AATF: variants seen among roughly 807,000 people sequenced by gnomAD.
AATF encodes the protein apoptosis antagonizing transcription factor.
A neutral mutation model predicts 63.7 loss-of-function variants in AATF; 48 were observed. The observed-to-expected ratio is 0.75, with a 90% confidence interval of 0.60 to 0.96. The LOEUF is 0.96. Among genes scored for constraint, AATF ranks in the 40% least tolerant of loss-of-function variants. The probability of loss-of-function intolerance (pLI) is 0.00; values close to 1 mark genes in which losing one functional copy is unlikely to be tolerated. For missense variants in AATF, 639 were observed against 685.7 expected, an observed-to-expected ratio of 0.93 and a Z score of 0.76; for synonymous variants, 258 against 247.7, an observed-to-expected ratio of 1.04 and a Z score of -0.39.
chr17:37,025,400 A>G (rs189387318), intron 10 of AATF, among the ~76,000 whole-genome samples: 1 of 152,292 alleles, frequency 6.6e-6, no homozygotes, highest in East Asian at 1.9e-4. Context: ...TGACAAGAAT[A>G]CAGAGTGACA....
At chr17:36,991,768 G>A (rs1287823514) in intron 8 of AATF, among the ~76,000 whole-genome samples, 1 of 151,988 alleles carries the variant, frequency 6.6e-6, no homozygotes, top group Non-Finnish European at 1.5e-5. Context: ...TGTATTTTTA[G>A]TAGAGACGGG....
In AATF at chr17:37,031,682, C is replaced by T; in HGVS notation, c.1616C>T (p.Ala539Val). 6.2e-7 allele frequency: 1 copy of T among 1,612,790 alleles called. No individual in the cohort carries two copies. The highest frequency in any genetic ancestry group is 8.5e-7 in the Non-Finnish European group (1 of 1,178,814). The change falls in exon 11 of 12, where the codon GCC becomes GTC. Residue 539 changes from alanine to valine, a missense_variant. Ala to Val is a moderately conservative substitution (Grantham distance 64). Transcript: ENST00000619387. The stretch of plus-strand genomic sequence containing the variant: ...GACCATACTACAATGAATGATGATG[C>T]CAGGTGAGTAATAGATTAATTATGT... ...PIDHTTMNDDARTELYRSLFG... is the reference protein window; with the variant it reads ...PIDHTTMNDDVRTELYRSLFG...
intron 4 of AATF, among the ~76,000 whole-genome samples, chr17:36,959,675 C>A (rs890868401): frequency 1.3e-5 from 2 of 152,084 alleles, no homozygotes; most frequent in African/African-American, 4.8e-5. Context: ...TAGTGCAATG[C>A]ATGTTATTAA....
rs780115984 is a variant in AATF, at chr17:36,978,983, T to C, written c.833-7634T>C. 2.8e-4 allele frequency among the ~76,000 whole-genome samples: 43 copies of C among 152,166 alleles called. No individual in the cohort carries two copies. The Middle Eastern group carries it at 0.014, about 48-fold the overall frequency. On this transcript the variant is annotated intron_variant, in intron 4 of 11. Transcript: ENST00000619387. Reference sequence around the variant, plus strand: ...TGCTTTAATAATTTTTCCTCATGCCTGGGTAGCCCGCGAGTTGCACAATAA... The same window carrying C: ...TGCTTTAATAATTTTTCCTCATGCCCGGGTAGCCCGCGAGTTGCACAATAA...
In AATF at chr17:37,019,049, C is replaced by T. The variant is rs1179088713; in HGVS notation, c.1443C>T (p.Pro481=). 6.2e-7 allele frequency: 1 copy of T among 1,614,094 alleles called. No homozygotes were observed. The highest frequency in any genetic ancestry group is 8.5e-7 in the Non-Finnish European group (1 of 1,179,994). ...LIERKTSSLD[P]NDQVAMGRQW... ...AACGGAAGACCAGCTCCTTGGATCC[C>T]AACGATCAGGTGGCCATGGGAAGGT... Residue 481 remains proline (P), a synonymous_variant, in exon 9 of 12, where the codon CCC becomes CCT. Coordinates refer to ENST00000619387, the MANE Select transcript of AATF (RefSeq NM_012138.4).
rs1463520620 is a variant in AATF, at chr17:36,953,284, A to G, written c.682A>G (p.Lys228Glu). 4.3e-6 allele frequency: 7 copies of G among 1,613,470 alleles called. No homozygotes were observed. The African/African-American group carries it at 9.3e-5, about 22-fold the overall frequency. The part of the protein sequence containing the change: ...SEEVEKGRAV[K>E]NQIALWDQLL... ...GGAAGTGGAGAAAGGAAGAGCCGTGAAGAACCAGATAGGTTTGTACATGGT... is the reference window on the plus strand; with the variant it reads ...GGAAGTGGAGAAAGGAAGAGCCGTGGAGAACCAGATAGGTTTGTACATGGT... Residue 228 changes from lysine (K) to glutamate (E), a missense_variant, in exon 3 of 12, where the codon AAG becomes GAG. Transcript: ENST00000619387.
intron 8 of AATF, among the ~76,000 whole-genome samples, chr17:36,996,736 G>A (rs1366522571): frequency 6.6e-6 from 1 of 152,190 alleles, no homozygotes; most frequent in Non-Finnish European, 1.5e-5. Context: ...GCTCACTGTT[G>A]TGGAAGCTGC....
intron 4 of AATF, among the ~76,000 whole-genome samples, chr17:36,955,202 T>A (rs1398424918): frequency 2.6e-5 from 4 of 152,346 alleles, no homozygotes; most frequent in Admixed American, 6.5e-5. Flanking sequence ...ATTTGGCATC[T>A]GCCTGTAGGT....
intron 8 of AATF, among the ~76,000 whole-genome samples, chr17:37,001,653 T>C (rs576049414): frequency 2.0e-4 from 31 of 152,166 alleles, no homozygotes; most frequent in African/African-American, 7.0e-4. Context: ...AAAACATTTT[T>C]AAAACTAGAG....
At chr17:36,968,592 T>C (rs1437565276) in intron 4 of AATF, among the ~76,000 whole-genome samples, 1 of 151,964 alleles carries the variant, frequency 6.6e-6, no homozygotes, top group Non-Finnish European at 1.5e-5. Flanking sequence ...ATCATATTTT[T>C]ATTTTATTTT....
intron 4 of AATF, among the ~76,000 whole-genome samples, chr17:36,977,127 G>A (rs1183096944): frequency 1.3e-5 from 2 of 152,178 alleles, no homozygotes; most frequent in Non-Finnish European, 2.9e-5. Context: ...ATTTAGATTT[G>A]GAAGTGGTAG....
chr17:36,949,160 A>C lies in AATF; in HGVS notation c.35A>C (p.Glu12Ala). 6.3e-7 allele frequency: 1 copy of C among 1,591,156 alleles called. No homozygotes were observed. The highest frequency in any genetic ancestry group is 8.5e-7 in the Non-Finnish European group (1 of 1,170,642). ...CCGCAGCCCCTGGCGCTGCAACTGG[A>C]ACAGTTGTTGAACCCGCGACCAAGC... ...AGPQPLALQL[E>A]QLLNPRPSEA... Residue 12 changes from glutamate to alanine, a missense_variant, in exon 1 of 12, where the codon GAA becomes GCA. Physicochemically the swap from Glu to Ala is moderately radical, Grantham distance 107. Transcript: ENST00000619387.
chr17:37,020,747 G>T (rs1052864926), intron 9 of AATF, among the ~76,000 whole-genome samples, 187 bp from the exon 10 acceptor site: 17 of 152,202 alleles, frequency 1.1e-4, no homozygotes, highest in African/African-American at 3.9e-4. Flanking sequence ...CCCAGCTGCC[G>T]TTTGTTTTTT....
In AATF at chr17:37,019,055, TC is replaced by T; in HGVS notation, c.1450del (p.Gln484ArgfsTer22). Reference sequence around the variant, plus strand: ...AGACCAGCTCCTTGGATCCCAACGATCAGGTGGCCATGGGAAGGTAATTTAG... The same window carrying T: ...AGACCAGCTCCTTGGATCCCAACGATAGGTGGCCATGGGAAGGTAATTTAG... ...RKTSSLDPND[Q>X]VAMGRQWLAI... On this transcript the variant is annotated frameshift_variant, in exon 9 of 12. Transcript: ENST00000619387. LOFTEE classifies it high-confidence loss of function. 5 of 1,614,000 alleles carry T rather than the reference TC, an allele frequency of 3.1e-6. No homozygotes were observed. The highest frequency in any genetic ancestry group is 1.6e-4 in the Middle Eastern group (1 of 6,084).
chr17:36,962,449 CTG>C (rs1159268834), intron 4 of AATF, among the ~76,000 whole-genome samples: 6 of 152,128 alleles, frequency 3.9e-5, no homozygotes, highest in African/African-American at 1.4e-4. Flanking sequence ...GGTCACAGAC[CTG>C]TGTGAGCTAA....
intron 8 of AATF, among the ~76,000 whole-genome samples, chr17:36,993,243 T>C (rs983661555): frequency 2.6e-5 from 4 of 152,224 alleles, no homozygotes; most frequent in African/African-American, 9.6e-5. Flanking sequence ...TTTTCTTTTC[T>C]TGCCTTTTCT....
At chr17:36,982,342 A>AT (rs1162544303) in intron 4 of AATF, among the ~76,000 whole-genome samples, 1 of 143,204 alleles carries the variant, frequency 7.0e-6, no homozygotes, top group Non-Finnish European at 1.5e-5. Flanking sequence ...TGGTTTTGGG[A>AT]TTTTTTTATT....
At chr17:37,055,046 G>T (rs550320895) in intron 11 of AATF, 1 of 152,452 alleles carries the variant, frequency 6.6e-6, no homozygotes, top group South Asian at 2.1e-4. Flanking sequence ...GGCAGGCTTC[G>T]TCTGGGCTGA....
In AATF at chr17:36,949,125, G is replaced by T. The variant is rs2070831014; in HGVS notation, c.-1G>T. On this transcript the variant is annotated 5_prime_UTR_variant, in exon 1 of 12. Coordinates refer to ENST00000619387, the MANE Select transcript of AATF (RefSeq NM_012138.4). Reference sequence around the variant, plus strand: ...GCGGAGTGGACCGGGAGCTGGTGACGATGGCGGGGCCGCAGCCCCTGGCGC... The same window carrying T: ...GCGGAGTGGACCGGGAGCTGGTGACTATGGCGGGGCCGCAGCCCCTGGCGC... The T allele has an allele frequency of 3.8e-6, 6 of 1,575,730 alleles. No individual in the cohort carries two copies. The highest frequency in any genetic ancestry group is 5.2e-6 in the Non-Finnish European group (6 of 1,161,982).
Sources: allele counts gnomAD v4.1 joint callset (sites outside exome capture counted in the v4.1 genomes callset), GRCh38; gene constraint gnomAD v4.1.1; transcripts MANE v1.5; gene names NCBI Gene and HGNC (gene_info 2026-07-23, HGNC 2026-07-21).